CLEC16A: variants seen among roughly 807,000 people sequenced by gnomAD.
CLEC16A encodes C-type lectin domain containing 16A, also known as protein CLEC16A.
Under a neutral mutation model 109.5 loss-of-function variants are expected in CLEC16A, and 51 were observed. That is an observed-to-expected ratio of 0.47 (90% CI 0.37 to 0.59). The LOEUF is 0.59. Among genes scored for constraint, CLEC16A ranks in the 20% least tolerant of loss-of-function variants. The pLI, the probability that CLEC16A is intolerant of heterozygous loss-of-function variation, is 0.00. For missense variants in CLEC16A, 1,339 were observed against 1,394.0 expected, an observed-to-expected ratio of 0.96 and a Z score of 0.63; for synonymous variants, 673 against 564.2, an observed-to-expected ratio of 1.19 and a Z score of -2.73.
At chr16:10,994,526 G>C (rs1216076091) in intron 10 of CLEC16A, among the ~76,000 whole-genome samples, 1 of 152,136 alleles carries the variant, frequency 6.6e-6, no homozygotes, top group African/African-American at 2.4e-5. Flanking sequence ...GTGACCTCCT[G>C]TGACTTTTTG....
chr16:11,092,270 G>GCAGGT (rs1425531302), intron 19 of CLEC16A, among the ~76,000 whole-genome samples: 2 of 152,002 alleles, frequency 1.3e-5, no homozygotes, highest in East Asian at 3.9e-4. Context: ...CTTGAGCCCA[G>GCAGGT]CAGGTCAAGA....
chr16:11,007,247 G>C (rs1359992387), intron 11 of CLEC16A, among the ~76,000 whole-genome samples: 1 of 152,184 alleles, frequency 6.6e-6, no homozygotes, highest in Non-Finnish European at 1.5e-5. Flanking sequence ...AAGATGATAG[G>C]CCTTTGAACC....
At chr16:11,128,015 G>A (rs1261962412) in intron 22 of CLEC16A, among the ~76,000 whole-genome samples, 5 of 152,220 alleles carry the variant, frequency 3.3e-5, no homozygotes, top group African/African-American at 9.6e-5. Context: ...TTCGTGTTCT[G>A]TGGCTATGAT....
chr16:10,949,413 G>T (rs1193223551), intron 1 of CLEC16A, among the ~76,000 whole-genome samples: 1 of 152,058 alleles, frequency 6.6e-6, no homozygotes, highest in Non-Finnish European at 1.5e-5. Context: ...AGACCAACGG[G>T]GTGAGTCGTT....
chr16:10,953,045 T>C (rs1244625466), intron 1 of CLEC16A, among the ~76,000 whole-genome samples: 1 of 152,202 alleles, frequency 6.6e-6, no homozygotes, highest in Non-Finnish European at 1.5e-5. Flanking sequence ...TTTTTGAATG[T>C]ATATGGAGAT....
At chr16:11,056,838 G>A (rs1162031853) in intron 18 of CLEC16A, 1 of 152,320 alleles carries the variant, frequency 6.6e-6, no homozygotes, top group East Asian at 1.9e-4. Flanking sequence ...TCTGTAAAAA[G>A]AGTGTACTGT....
intron 13 of CLEC16A, chr16:11,027,391 T>TC (rs2046470237): frequency 7.1e-7 from 1 of 1,400,690 alleles, no homozygotes; most frequent in African/African-American, 1.4e-5. Context: ...TTTGTAAAAG[T>TC]CACCCCCCAG....
chr16:11,120,212 C>T (rs950418193), intron 19 of CLEC16A, among the ~76,000 whole-genome samples: 8 of 152,250 alleles, frequency 5.3e-5, no homozygotes, highest in African/African-American at 1.9e-4. Context: ...CCCAGGTGAT[C>T]CACCTGCCTT....
rs542061239 is a variant in CLEC16A, at chr16:11,181,252, C to G, written c.*2562C>G. 1 of 152,316 alleles carries G rather than the reference C, an allele frequency of 6.6e-6. No individual in the cohort carries two copies. Among genetic ancestry groups the G allele is most frequent in the African/African-American group, 2.4e-5 (1 of 41,458 alleles). 9.4% of individuals were successfully genotyped at this position (152,316 alleles called of 1,614,324 possible). A position where few individuals can be genotyped will look rare whatever the true frequency, so the allele number is the denominator to read the frequency against. ...GTCAAACCTCATAGCTGGGGCGCTC[C>G]CAGACAGGCCAGTCCAGACAGGACA... On this transcript the variant is annotated 3_prime_UTR_variant, in exon 24 of 24. Transcript: ENST00000409790.
chr16:11,027,962 A>T (rs1254412319), intron 13 of CLEC16A, among the ~76,000 whole-genome samples: 4 of 152,194 alleles, frequency 2.6e-5, no homozygotes, highest in African/African-American at 9.7e-5. Context: ...ACACTTTGGG[A>T]GGCTGAGGTG....
intron 22 of CLEC16A, among the ~76,000 whole-genome samples, chr16:11,127,576 C>G (rs2052915404): frequency 6.6e-6 from 1 of 152,232 alleles, no homozygotes; most frequent in Non-Finnish European, 1.5e-5. Context: ...TTTCTTAAAT[C>G]CAGTCTCAGG....
At chr16:11,016,462 C>G (rs2045759020) in intron 11 of CLEC16A, among the ~76,000 whole-genome samples, 1 of 151,832 alleles carries the variant, frequency 6.6e-6, no homozygotes, top group Non-Finnish European at 1.5e-5. Context: ...GATTCTCATG[C>G]CTCAGCCTCC....
At chr16:10,956,358 T>C (rs141720487) in intron 1 of CLEC16A, among the ~76,000 whole-genome samples, 4 of 152,344 alleles carry the variant, frequency 2.6e-5, no homozygotes, top group African/African-American at 4.8e-5. Context: ...CCTCTTTATG[T>C]CTTACCCGTT....
chr16:10,968,175 G>A lies in CLEC16A; in HGVS notation c.344-986G>A, dbSNP rs113125261. Among the ~76,000 whole-genome samples the A allele has an allele frequency of 1.6e-3, 249 of 152,344 alleles. 3 individuals carry two copies. The highest frequency in any genetic ancestry group is 5.7e-3 in the African/African-American group (235 of 41,578). On this transcript the variant is annotated intron_variant, in intron 3 of 23. Coordinates refer to ENST00000409790, the MANE Select transcript of CLEC16A (RefSeq NM_015226.3). Reference sequence around the variant, plus strand: ...CAGTGCCTGCCTTGCAGGGTGGCTGGTAAGAACACAGAGGGAAATATGCCT... The same window carrying A: ...CAGTGCCTGCCTTGCAGGGTGGCTGATAAGAACACAGAGGGAAATATGCCT...
At chr16:11,167,353 T>C (rs557996436) in intron 23 of CLEC16A, among the ~76,000 whole-genome samples, 1 of 152,298 alleles carries the variant, frequency 6.6e-6, no homozygotes, top group Non-Finnish European at 1.5e-5. Context: ...CACCTCTGAC[T>C]GGAGATCCTT....
chr16:11,127,189 A>C (rs927138524), intron 22 of CLEC16A, among the ~76,000 whole-genome samples: 1 of 152,204 alleles, frequency 6.6e-6, no homozygotes, highest in Non-Finnish European at 1.5e-5. Context: ...TGTTTTTTAC[A>C]CATGGGGTAT....
intron 20 of CLEC16A, among the ~76,000 whole-genome samples, chr16:11,122,039 C>G (rs1361664177): frequency 6.6e-6 from 1 of 152,158 alleles, no homozygotes; most frequent in Non-Finnish European, 1.5e-5. Context: ...GCTGACACTT[C>G]AGGCCTGAAC....
intron 3 of CLEC16A, among the ~76,000 whole-genome samples, chr16:10,966,345 A>G (rs1424036751): frequency 3.3e-5 from 5 of 152,220 alleles, no homozygotes; most frequent in Admixed American, 2.6e-4. Context: ...GATAAGGTTC[A>G]TGGACAGGCA....
intron 19 of CLEC16A, among the ~76,000 whole-genome samples, chr16:11,079,501 A>G (rs2049582476): frequency 6.6e-6 from 1 of 152,220 alleles, no homozygotes; most frequent in South Asian, 2.1e-4. Context: ...AAGGTGAGAT[A>G]GACTTTCTTT....
Sources: gnomAD v4.1 joint callset for allele counts (sites outside exome capture counted in the v4.1 genomes callset) on GRCh38, gnomAD v4.1.1 for gene constraint, MANE v1.5 for transcripts, NCBI Gene and HGNC (gene_info 2026-07-23, HGNC 2026-07-21) for gene names.